The following CASK variants were observed in gnomAD, a reference collection of about 807,000 sequenced individuals.
CASK encodes calcium/calmodulin dependent serine protein kinase.
A neutral mutation model predicts 82.9 loss-of-function variants in CASK; 4 were observed. The ratio of observed to expected loss-of-function variants is 0.05; its 90% CI spans 0.02 to 0.11. CASK has a LOEUF of 0.11. Ranked by LOEUF, CASK falls within the 10% of genes least tolerant of loss-of-function variation. The pLI is 1.00. For missense variants in CASK, 358 were observed against 720.9 expected (o/e 0.50, Z 5.76); for synonymous variants, 259 against 253.5 (o/e 1.02, Z -0.20).
At chrX:41,820,190 G>A (rs1440445360) in intron 2 of CASK, among the ~76,000 whole-genome samples, 1 of 108,621 alleles carries the variant, frequency 9.2e-6, no homozygotes, top group East Asian at 2.9e-4. Context: ...GAATGTCCTA[G>A]CTAGGGCATA....
intron 1 of CASK, among the ~76,000 whole-genome samples, chrX:41,866,967 A>T (rs2071602116): frequency 9.0e-6 from 1 of 111,246 alleles, no homozygotes; most frequent in Admixed American, 9.6e-5. Context: ...ATCCTCACTC[A>T]CTCACTCACT....
intron 1 of CASK, among the ~76,000 whole-genome samples, chrX:41,888,836 T>TAC (rs2072107768): frequency 9.3e-6 from 1 of 107,440 alleles, no homozygotes; most frequent in Non-Finnish European, 1.9e-5. Context: ...TATGTATATA[T>TAC]ATGTGTGTGT....
chrX:41,777,353 G>A (rs867708055), intron 3 of CASK, among the ~76,000 whole-genome samples: 1 of 110,295 alleles, frequency 9.1e-6, no homozygotes, highest in South Asian at 3.9e-4. Context: ...TCAGCCGGGC[G>A]TGGTGGTGCA....
At chrX:41,822,557 CAAAAAAAAAAAAAA>C (rs61374081) in intron 2 of CASK, among the ~76,000 whole-genome samples, 3 of 50,678 alleles carry the variant, frequency 5.9e-5, no homozygotes, top group Admixed American at 3.2e-4. Context: ...GACTCCGTCT[CAAAAAAAAAAAAAA>C]AAAAAAAAAA....
chrX:41,607,646 T>C (rs966561032), intron 12 of CASK, among the ~76,000 whole-genome samples: 1 of 112,346 alleles, frequency 8.9e-6, no homozygotes, highest in Non-Finnish European at 1.9e-5. Context: ...ATTTCTAAAC[T>C]ACGTTCCTCA....
At position 41,534,789 on chromosome X, in the gene CASK, A is replaced by G; in HGVS notation, c.2237-3T>C. The G allele has an allele frequency of 8.3e-7, 1 of 1,198,400 alleles. No individual in the cohort carries two copies. Among genetic ancestry groups the G allele is most frequent in the Non-Finnish European group, 1.1e-6 (1 of 883,444 alleles). On this transcript the variant is annotated splice_polypyrimidine_tract_variant and splice_region_variant and intron_variant, in intron 23 of 26. Transcript: ENST00000378163. ...TCTTCTCCCAACACCATGTGCGCCT[A>G]TGTCATTTAGAAAAAAAGAATGTTA...
intron 2 of CASK, among the ~76,000 whole-genome samples, chrX:41,811,590 T>G (rs1220141857): frequency 1.8e-5 from 2 of 112,328 alleles, no homozygotes; most frequent in Middle Eastern, 4.2e-3. Context: ...TTTAAAGTAG[T>G]GTGTAGAGGG....
chrX:41,811,190 A>C (rs2070276877), intron 2 of CASK, among the ~76,000 whole-genome samples: 1 of 111,545 alleles, frequency 9.0e-6, no homozygotes, highest in Admixed American at 9.5e-5. Flanking sequence ...GAAAGTTAAC[A>C]AGGATATCCA....
At chrX:41,839,137 T>G (rs1002492559) in intron 2 of CASK, among the ~76,000 whole-genome samples, 1 of 111,839 alleles carries the variant, frequency 8.9e-6, no homozygotes, top group African/African-American at 3.3e-5. Context: ...TCTTATTCTT[T>G]TTCCTTTCCA....
intron 24 of CASK, among the ~76,000 whole-genome samples, chrX:41,532,049 C>T (rs887088268): frequency 2.7e-5 from 3 of 111,725 alleles, no homozygotes; most frequent in African/African-American, 9.8e-5. Flanking sequence ...ATTCTTGTGC[C>T]CTCAGCCTCC....
At chrX:41,886,858 C>T (rs1034591169) in intron 1 of CASK, among the ~76,000 whole-genome samples, 2 of 111,082 alleles carry the variant, frequency 1.8e-5, no homozygotes, top group African/African-American at 3.3e-5. Context: ...TATGCTGTAG[C>T]GTTATCTTTG....
intron 2 of CASK, among the ~76,000 whole-genome samples, chrX:41,801,002 GTAAC>G (rs2069986518): frequency 9.0e-6 from 1 of 111,654 alleles, no homozygotes; most frequent in African/African-American, 3.3e-5. Context: ...AGTCCAGCAA[GTAAC>G]TAAAAAAGAA....
chrX:41,825,350 T>C (rs5918255), intron 2 of CASK, among the ~76,000 whole-genome samples: 20,941 of 110,599 alleles, frequency 0.19, 1,615 homozygotes, highest in Middle Eastern at 0.31. Context: ...GGCTTTTAGA[T>C]TAGATTATCT....
rs1043019661 is a variant in CASK at position 41,722,375 on chromosome X, A to T, written c.429+17009T>A. On this transcript the variant is annotated intron_variant, in intron 5 of 26. Coordinates refer to ENST00000378163, the MANE Select transcript of CASK (RefSeq NM_001367721.1). Reference sequence around the variant, plus strand: ...TGACACTGTTGACTTCAGAGGCTAGATCACAAAAAGGCATTGCAGCTATGG... The same window carrying T: ...TGACACTGTTGACTTCAGAGGCTAGTTCACAAAAAGGCATTGCAGCTATGG... Among the ~76,000 whole-genome samples the T allele has an allele frequency of 7.1e-5, 8 of 112,483 alleles. No homozygotes were observed. In the Admixed American group the frequency reaches 7.5e-4, roughly 11 times the overall value.
intron 5 of CASK, among the ~76,000 whole-genome samples, chrX:41,680,905 A>C (rs944776362): frequency 2.7e-5 from 3 of 110,907 alleles, no homozygotes; most frequent in African/African-American, 9.8e-5. Flanking sequence ...ACAAGAGCGA[A>C]ACTCGGTCTC....
intron 2 of CASK, among the ~76,000 whole-genome samples, chrX:41,801,929 CT>C (rs1267853465): frequency 9.0e-6 from 1 of 111,154 alleles, no homozygotes; most frequent in Non-Finnish European, 1.9e-5. Flanking sequence ...CTTTCTCCCC[CT>C]AATACACATA....
Position 41,583,451 on chromosome X carries a change from T to C in CASK, c.1314+3456A>G, listed in dbSNP as rs376889154. Among the ~76,000 whole-genome samples, 23 of 111,391 alleles carry C rather than the reference T, an allele frequency of 2.1e-4. No individual in the cohort carries two copies. In the East Asian group the frequency reaches 6.2e-3, roughly 30 times the overall value. ...TCTGTCCAAATTCATTTTTTATTTTTTTTTTGAGACAGAGTCTCACTCTCA... is the reference window on the plus strand; with the variant it reads ...TCTGTCCAAATTCATTTTTTATTTTCTTTTTGAGACAGAGTCTCACTCTCA... On this transcript the variant is annotated intron_variant, in intron 14 of 26. Coordinates refer to ENST00000378163, the MANE Select transcript of CASK (RefSeq NM_001367721.1).
chrX:41,544,884 G>C (rs2065000630), intron 21 of CASK, among the ~76,000 whole-genome samples: 2 of 111,340 alleles, frequency 1.8e-5, no homozygotes, highest in South Asian at 3.7e-4. Flanking sequence ...CTGGGAGACA[G>C]AGACCCTGAC....
At chrX:41,872,967 T>A in intron 1 of CASK, among the ~76,000 whole-genome samples, 1 of 111,237 alleles carries the variant, frequency 9.0e-6, no homozygotes, top group South Asian at 3.8e-4. Context: ...TCTTCCTGTG[T>A]CCTCATATAA....
Sources: gnomAD v4.1 joint callset for allele counts (sites outside exome capture counted in the v4.1 genomes callset) on GRCh38, gnomAD v4.1.1 for gene constraint, MANE v1.5 for transcripts, NCBI Gene and HGNC (gene_info 2026-07-23, HGNC 2026-07-21) for gene names.